Variants in LYG1 observed in about 807,000 individuals in gnomAD.
LYG1 encodes lysozyme g-like protein 1.
A neutral mutation model predicts 21.7 loss-of-function variants in LYG1; 17 were observed. The observed-to-expected ratio is 0.78, with a 90% CI of 0.54 to 1.18. The LOEUF is 1.18. Among genes scored for constraint, LYG1 ranks in the 50% most tolerant of loss-of-function variants. The pLI is 0.00. For synonymous variants in LYG1, 81 were observed against 87.4 expected (o/e 0.93, Z 0.41); for missense variants, 211 against 238.1 (o/e 0.89, Z 0.75).
intron 2 of LYG1, among the ~76,000 whole-genome samples, chr2:99,298,119 G>A (rs556961663): frequency 6.6e-6 from 1 of 152,210 alleles, no homozygotes; most frequent in Non-Finnish European, 1.5e-5. Context: ...AAAGTACTCT[G>A]TGTTTAGAAG....
At chr2:99,291,495 A>AAGAACAATCCAAGGATCTG in intron 4 of LYG1, 74 bp from the exon 5 acceptor site, 1 of 1,486,906 alleles carries the variant, frequency 6.7e-7, no homozygotes, top group African/African-American at 1.4e-5. Context: ...GGGAGAGAGA[A>AAGAACAATCCAAGGATCTG]AGAACAATCC....
In LYG1 at chr2:99,295,579, C is replaced by G. The variant is rs752476591; in HGVS notation, c.43+49G>C. ...TTAGAAGTGCCATTGTGTTCCTGTGCTTATCCTTCCCATCTCCAAAGTCAT... is the reference window on the plus strand; with the variant it reads ...TTAGAAGTGCCATTGTGTTCCTGTGGTTATCCTTCCCATCTCCAAAGTCAT... On this transcript the variant is annotated intron_variant, in intron 3 of 6. Transcript: ENST00000308528. The G allele has an allele frequency of 4.9e-5, 79 of 1,603,600 alleles. No homozygotes were observed. The South Asian group carries it at 8.3e-4, about 17-fold the overall frequency.
At chr2:99,288,541 T>C (rs899165188) in intron 5 of LYG1, among the ~76,000 whole-genome samples, 9 of 142,948 alleles carry the variant, frequency 6.3e-5, no homozygotes, top group African/African-American at 1.8e-4. Flanking sequence ...TTTTTCTACA[T>C]TCCTTTTTAC....
intron 1 of LYG1, among the ~76,000 whole-genome samples, chr2:99,300,120 A>T (rs553104202): frequency 1.3e-5 from 2 of 152,284 alleles, no homozygotes; most frequent in Admixed American, 1.3e-4. Flanking sequence ...TTAGAGCAAA[A>T]ATATAGGGCA....
intron 1 of LYG1, among the ~76,000 whole-genome samples, chr2:99,299,723 A>G (rs2094148543): frequency 6.6e-6 from 1 of 151,826 alleles, no homozygotes. Flanking sequence ...CTGTTTTAAA[A>G]TTATTTTTAA....
chr2:99,285,089 C>T (rs1035902505), intron 5 of LYG1, among the ~76,000 whole-genome samples: 10 of 152,162 alleles, frequency 6.6e-5, no homozygotes, highest in African/African-American at 1.9e-4. Flanking sequence ...GTGCCAGACA[C>T]GGTGGCTTAT....
chr2:99,303,989 G>C (rs2094160914), upstream of LYG1, among the ~76,000 whole-genome samples: 1 of 152,198 alleles, frequency 6.6e-6, no homozygotes, highest in Admixed American at 6.5e-5. Flanking sequence ...GGCTAACACA[G>C]TGAAACCCCG....
Position 99,292,642 on chromosome 2 carries a change from T to C in LYG1, c.44-2A>G. The C allele has an allele frequency of 6.2e-7, 1 of 1,611,242 alleles. No individual in the cohort carries two copies. Among genetic ancestry groups the C allele is most frequent in the Non-Finnish European group, 8.5e-7 (1 of 1,177,300 alleles). On this transcript the variant is annotated splice_acceptor_variant, in intron 3 of 6. Coordinates refer to ENST00000308528, the MANE Select transcript of LYG1 (RefSeq NM_174898.3). LOFTEE classifies it high-confidence loss of function. ...CCCAGTTGCTGCTTTCAGACAAGTC[T>C]ACAAGTTGAGAAAAGTTCAGCCTAA...
chr2:99,300,746 A>G (rs1222422242), intron 1 of LYG1, among the ~76,000 whole-genome samples: 97 of 140,950 alleles, frequency 6.9e-4, no homozygotes, highest in African/African-American at 2.2e-3. Context: ...GCTACAGTTA[A>G]GTGCACACAC....
intron 2 of LYG1, among the ~76,000 whole-genome samples, chr2:99,296,961 T>C (rs1477855283): frequency 6.6e-6 from 1 of 152,020 alleles, no homozygotes; most frequent in Non-Finnish European, 1.5e-5. Context: ...AAGGGTGCAG[T>C]GAGCTATGAT....
intron 6 of LYG1, 56 bp from the exon 7 acceptor site, chr2:99,284,567 A>G (rs1414195842): frequency 6.3e-7 from 1 of 1,596,776 alleles, no homozygotes; most frequent in Admixed American, 1.7e-5. Context: ...GTTAACTCTG[A>G]TTCTCTTTAC....
intron 5 of LYG1, among the ~76,000 whole-genome samples, chr2:99,289,953 G>T (rs916253848): frequency 6.6e-6 from 1 of 151,986 alleles, no homozygotes; most frequent in Non-Finnish European, 1.5e-5. Flanking sequence ...CTACCCCCCA[G>T]GTTCAAGCAA....
intron 3 of LYG1, among the ~76,000 whole-genome samples, chr2:99,294,741 C>A (rs1369105552): frequency 3.9e-5 from 6 of 152,154 alleles, no homozygotes; most frequent in African/African-American, 1.4e-4. Context: ...TATGAGACCT[C>A]ATCTAAGAAA....
In LYG1 at chr2:99,284,505, A is replaced by G; in HGVS notation, c.473T>C (p.Leu158Pro). The G allele has an allele frequency of 6.2e-7, 1 of 1,614,114 alleles. No homozygotes were observed. Among genetic ancestry groups the G allele is most frequent in the South Asian group, 1.1e-5 (1 of 91,070 alleles). Residue 158 changes from leucine to proline, a missense_variant, in exon 7 of 7, where the codon CTC becomes CCC. Physicochemically the swap from Leu to Pro is moderately conservative, Grantham distance 98 (BLOSUM62 -3). Transcript: ENST00000308528. ...WTPDQYLRGG[L>P]CAYSGGAGYV... is the part of the protein sequence containing the mutation. ...GCCAGCACCCCCACTGTAGGCACAG[A>G]GTCCACCTGAAATGCATGAGATAGG...
rs185851052 is a variant in LYG1 at position 99,287,762 on chromosome 2, T to C, written c.334-2942A>G. On this transcript the variant is annotated intron_variant, in intron 5 of 6. Transcript: ENST00000308528. ...TCCATATGATCAGAGATATTTTTAA[T>C]TTTTAAAATTATCTTCTAGCATAAT... Among the ~76,000 whole-genome samples, 411 of 152,304 alleles carry C rather than the reference T, an allele frequency of 2.7e-3. 2 individuals are homozygous for C. Among genetic ancestry groups the C allele is most frequent in the African/African-American group, 9.2e-3 (381 of 41,572 alleles).
chr2:99,292,671 A>T (rs1342422574), intron 3 of LYG1, 31 bp from the exon 4 acceptor site: 3 of 1,390,680 alleles, frequency 2.2e-6, no homozygotes, highest in Non-Finnish European at 3.1e-6. Context: ...AGCCTAAGGC[A>T]TGGAACTAGT....
At chr2:99,285,116 C>A (rs1559216621) in intron 5 of LYG1, among the ~76,000 whole-genome samples, 1 of 152,162 alleles carries the variant, frequency 6.6e-6, no homozygotes, top group Non-Finnish European at 1.5e-5. Flanking sequence ...GATCCCAGCA[C>A]TTTGGGAGGC....
chr2:99,288,658 TC>T (rs1226932371), intron 5 of LYG1, among the ~76,000 whole-genome samples: 4 of 152,156 alleles, frequency 2.6e-5, no homozygotes, highest in African/African-American at 9.7e-5. Flanking sequence ...AACCTCCGCC[TC>T]CCAGGCTCCA....
upstream of LYG1, among the ~76,000 whole-genome samples, chr2:99,301,727 A>AAT (rs2094154980): frequency 6.7e-6 from 1 of 149,870 alleles, no homozygotes; most frequent in East Asian, 2.0e-4. Context: ...CAAAAAAAAA[A>AAT]CTTTCTTTAC....
Sources: allele counts gnomAD v4.1 joint callset (sites outside exome capture counted in the v4.1 genomes callset), GRCh38; gene constraint gnomAD v4.1.1; transcripts MANE v1.5; gene names NCBI Gene and HGNC (gene_info 2026-07-23, HGNC 2026-07-21).